Variants in PTPRJ observed in about 807,000 individuals in gnomAD.
PTPRJ encodes the protein receptor-type tyrosine-protein phosphatase eta.
In PTPRJ, 129 loss-of-function variants were observed where a neutral mutation model predicts 141.3. The ratio of observed to expected loss-of-function variants is 0.91; its 90% CI spans 0.79 to 1.06. The LOEUF (loss-of-function observed/expected upper bound fraction) is 1.06. Ranked by LOEUF, PTPRJ falls within the 50% of genes least tolerant of loss-of-function variation. PTPRJ has a pLI of 0.00. For synonymous variants in PTPRJ, 610 were observed against 640.5 expected (o/e 0.95, Z 0.72); for missense variants, 1,601 against 1,679.7 (o/e 0.95, Z 0.82).
intron 1 of PTPRJ, among the ~76,000 whole-genome samples, chr11:48,006,630 C>T (rs1465131177): frequency 1.3e-5 from 2 of 152,170 alleles, no homozygotes; most frequent in Non-Finnish European, 2.9e-5. Flanking sequence ...CATCCCCTGG[C>T]ACACCCCTCC....
At chr11:48,056,195 A>T (rs144381654) in intron 1 of PTPRJ, among the ~76,000 whole-genome samples, 28 of 152,280 alleles carry the variant, frequency 1.8e-4, no homozygotes, top group Admixed American at 1.7e-3. Flanking sequence ...TTGATTCTGT[A>T]TGCATTTTTA....
intron 1 of PTPRJ, among the ~76,000 whole-genome samples, chr11:48,053,489 A>AAT (rs1373656475): frequency 2.6e-5 from 3 of 114,280 alleles, no homozygotes; most frequent in African/African-American, 1.2e-4. Flanking sequence ...ATATATATAA[A>AAT]ATATATATAT....
intron 2 of PTPRJ, among the ~76,000 whole-genome samples, chr11:48,111,075 G>C (rs1382241828): frequency 6.6e-6 from 1 of 151,924 alleles, no homozygotes; most frequent in Non-Finnish European, 1.5e-5. Context: ...TCAGGAGTTC[G>C]AGAACAGCTT....
At chr11:48,132,935 G>A (rs571666210) in intron 8 of PTPRJ, among the ~76,000 whole-genome samples, 7 of 152,126 alleles carry the variant, frequency 4.6e-5, no homozygotes, top group Admixed American at 1.3e-4. Flanking sequence ...ACGTCTTAAC[G>A]TCAACATGTT....
intron 1 of PTPRJ, among the ~76,000 whole-genome samples, chr11:48,000,030 TGTATTTTTA>T (rs1455796785): frequency 6.6e-6 from 1 of 151,822 alleles, no homozygotes; most frequent in East Asian, 1.9e-4. Context: ...CTAAATTTTT[TGTATTTTTA>T]GTAGAGATGG....
chr11:48,038,673 G>C (rs530517834), intron 1 of PTPRJ, among the ~76,000 whole-genome samples: 3 of 151,672 alleles, frequency 2.0e-5, no homozygotes, highest in South Asian at 4.2e-4. Flanking sequence ...TGTATTTTTA[G>C]TAGAGACGGG....
chr11:48,051,013 G>A (rs1854552115), intron 1 of PTPRJ, among the ~76,000 whole-genome samples: 1 of 150,448 alleles, frequency 6.6e-6, no homozygotes, highest in Admixed American at 6.6e-5. Flanking sequence ...CAAGGCGTCT[G>A]GTGAATATTT....
intron 1 of PTPRJ, among the ~76,000 whole-genome samples, chr11:48,095,048 T>C (rs1855969671): frequency 6.6e-6 from 1 of 152,108 alleles, no homozygotes; most frequent in Non-Finnish European, 1.5e-5. Flanking sequence ...TTTAAAAAAA[T>C]TACCCATTTT....
intron 1 of PTPRJ, among the ~76,000 whole-genome samples, chr11:48,029,304 A>C (rs922593018): frequency 6.6e-6 from 1 of 152,236 alleles, no homozygotes; most frequent in Non-Finnish European, 1.5e-5. Flanking sequence ...GCCATGAATA[A>C]TAACTATGAT....
rs553069261 is a variant in PTPRJ at position 48,016,616 on chromosome 11, G to A, written c.96+35608G>A. Among the ~76,000 whole-genome samples, 8 of 152,224 alleles carry A rather than the reference G, an allele frequency of 5.3e-5. No homozygotes were observed. The East Asian group carries it at 7.7e-4, about 15-fold the overall frequency. ...GAAGTCACTTTTCTGAGCCTCAGCC[G>A]CCTCATCTTTAAAATGTGGGCCCTA... On this transcript the variant is annotated intron_variant, in intron 1 of 24. Transcript: ENST00000418331.
chr11:48,039,759 G>A (rs996956310), intron 1 of PTPRJ, among the ~76,000 whole-genome samples: 10 of 151,386 alleles, frequency 6.6e-5, no homozygotes, highest in Non-Finnish European at 1.5e-4. Flanking sequence ...ACAGTAATAG[G>A]TAAGTGTCCC....
intron 1 of PTPRJ, among the ~76,000 whole-genome samples, chr11:48,029,561 T>A (rs1853926519): frequency 6.6e-6 from 1 of 152,216 alleles, no homozygotes; most frequent in Non-Finnish European, 1.5e-5. Context: ...CTCATATTAT[T>A]GTTATTTTTT....
intron 6 of PTPRJ, among the ~76,000 whole-genome samples, chr11:48,126,890 G>T (rs980131458): frequency 6.6e-6 from 1 of 152,044 alleles, no homozygotes; most frequent in Non-Finnish European, 1.5e-5. Context: ...GTGGGGCAGG[G>T]TTAAGGAAAC....
At chr11:47,999,857 ATTC>A (rs1461356307) in intron 1 of PTPRJ, among the ~76,000 whole-genome samples, 1 of 101,496 alleles carries the variant, frequency 9.9e-6, no homozygotes, top group Non-Finnish European at 1.8e-5. Context: ...TCATGCCGAG[ATTC>A]TTCTTTTTTT....
rs1244689552 is a variant in PTPRJ at position 48,168,496 on chromosome 11, CGT to C, written c.*1135_*1136del. ...TCCTTCCCCAAAGTCCACTGGCTTT[CGT>C]CTCTCTCTGCCGTGACACATATCGG... On this transcript the variant is annotated 3_prime_UTR_variant, in exon 25 of 25. Transcript: ENST00000418331. 2.8e-4 allele frequency: 36 copies of C among 130,414 alleles called. 1 individual carries two copies. The highest frequency in any genetic ancestry group is 2.5e-4 in the Non-Finnish European group (16 of 63,178). The allele number at this position is 130,414 out of a possible 1,614,324, so 8.1% of individuals were successfully genotyped here.
intron 1 of PTPRJ, among the ~76,000 whole-genome samples, chr11:48,050,917 T>C (rs1028259651): frequency 1.3e-5 from 2 of 151,978 alleles, no homozygotes; most frequent in African/African-American, 2.4e-5. Context: ...CTAGTGGTCT[T>C]ATGTTTTATA....
chr11:47,997,500 G>A (rs2697808), intron 1 of PTPRJ, among the ~76,000 whole-genome samples: 8 of 152,234 alleles, frequency 5.3e-5, no homozygotes, highest in Non-Finnish European at 8.8e-5. Context: ...GTCCTTTTTC[G>A]GGAGCTTTGG....
chr11:48,068,357 A>G (rs1855139789), intron 1 of PTPRJ, among the ~76,000 whole-genome samples: 1 of 152,156 alleles, frequency 6.6e-6, no homozygotes, highest in East Asian at 1.9e-4. Flanking sequence ...AGGTGGAGAT[A>G]ATTGAATGGG....
chr11:48,028,667 C>T (rs150921492), intron 1 of PTPRJ, among the ~76,000 whole-genome samples: 2,327 of 152,162 alleles, frequency 0.015, 64 homozygotes, highest in African/African-American at 0.054. Context: ...GGCGGGCACC[C>T]ATAATCCCAG....
Sources: gnomAD v4.1 joint callset for allele counts (sites outside exome capture counted in the v4.1 genomes callset) on GRCh38, gnomAD v4.1.1 for gene constraint, MANE v1.5 for transcripts, NCBI Gene and HGNC (gene_info 2026-07-23, HGNC 2026-07-21) for gene names.